Variants in NVL observed in about 807,000 individuals in gnomAD.
NVL encodes the protein nuclear VCP like.
In NVL, 84 loss-of-function variants were observed where a neutral mutation model predicts 110.2. The ratio of observed to expected loss-of-function variants is 0.76; its 90% confidence interval spans 0.64 to 0.91. The LOEUF (loss-of-function observed/expected upper bound fraction) is 0.91. Ranked by LOEUF, NVL falls within the 40% of genes least tolerant of loss-of-function variation. NVL has a pLI of 0.00. For synonymous variants in NVL, 354 were observed against 361.1 expected, an observed-to-expected ratio of 0.98 and a Z score of 0.22; for missense variants, 882 against 1,035.9, an observed-to-expected ratio of 0.85 and a Z score of 2.04.
chr1:224,275,225 A>C, intron 17 of NVL, 114 bp downstream of exon 17: 1 of 1,197,870 alleles, frequency 8.3e-7, no homozygotes, highest in Non-Finnish European at 1.2e-6. Context: ...AAGTGTCTTC[A>C]TTAAGAGTCT....
intron 2 of NVL, among the ~76,000 whole-genome samples, chr1:224,319,955 A>G: frequency 6.6e-6 from 1 of 152,192 alleles, no homozygotes; most frequent in East Asian, 1.9e-4. Flanking sequence ...AAAACAGCAG[A>G]AAAATCCAAA....
chr1:224,325,911 C>T (rs930646911), intron 2 of NVL, among the ~76,000 whole-genome samples: 6 of 152,116 alleles, frequency 3.9e-5, no homozygotes, highest in Admixed American at 3.9e-4. Context: ...CTCAGCCTCC[C>T]AAGTAGGTGG....
intron 17 of NVL, among the ~76,000 whole-genome samples, 198 bp downstream of exon 17, chr1:224,275,141 T>C (rs541191849): frequency 9.1e-4 from 138 of 152,286 alleles, no homozygotes; most frequent in Non-Finnish European, 1.6e-3. Flanking sequence ...CAAAATAATG[T>C]ACAGGAAAAA....
chr1:224,307,698 C>CAAAA (rs11366790), intron 6 of NVL, among the ~76,000 whole-genome samples: 4 of 67,486 alleles, frequency 5.9e-5, no homozygotes, highest in Admixed American at 2.2e-4. Flanking sequence ...GACCCAGTCT[C>CAAAA]AAAAAAAAAA....
At chr1:224,238,646 G>T (rs760188238) in intron 19 of NVL, among the ~76,000 whole-genome samples, 10 of 152,276 alleles carry the variant, frequency 6.6e-5, no homozygotes, top group Non-Finnish European at 1.2e-4. Flanking sequence ...ACAATCTTGT[G>T]CTTTTTTCTC....
chr1:224,243,737 C>A (rs1196398932), intron 19 of NVL, among the ~76,000 whole-genome samples: 1 of 150,272 alleles, frequency 6.7e-6, no homozygotes, highest in Admixed American at 6.7e-5. Context: ...TCTCGGCTCA[C>A]TGCAACCTCC....
At chr1:224,311,755 T>C (rs767508884) in intron 5 of NVL, 45 bp downstream of exon 5, 2 of 1,507,102 alleles carry the variant, frequency 1.3e-6, no homozygotes, top group Non-Finnish European at 1.8e-6. Flanking sequence ...CCATAACAAC[T>C]AAAAAAGAAA....
chr1:224,300,707 T>C (rs1208619847), intron 9 of NVL, 44 bp from the exon 10 acceptor site: 3 of 1,475,054 alleles, frequency 2.0e-6, no homozygotes, highest in Non-Finnish European at 2.8e-6. Flanking sequence ...CAAATTTTAA[T>C]TTCCCTACTT....
chr1:224,330,103 C>G lies in NVL; in HGVS notation c.25G>C (p.Val9Leu), dbSNP rs1190594628. 2.5e-6 allele frequency: 4 copies of G among 1,614,142 alleles called. No individual in the cohort carries two copies. The highest frequency in any genetic ancestry group is 3.4e-6 in the Non-Finnish European group (4 of 1,180,000). The change falls in exon 1 of 23, where the codon GTG becomes CTG. Residue 9 changes from valine to leucine, a missense_variant. Val to Leu is a conservative substitution (Grantham distance 32). Around this residue, in one of 4 missense-constraint regions of NVL, gnomAD observed 274 missense variants for 268.4 expected, o/e 1.02. Transcript: ENST00000281701. MKPRPAGF[V>L]DNKLKQRVIQ... Reference sequence around the variant, plus strand: ...ACTCGCTGCTTGAGTTTATTATCCACGAACCCTGCAGGTCTGGGCTTCATC... The same window carrying G: ...ACTCGCTGCTTGAGTTTATTATCCAGGAACCCTGCAGGTCTGGGCTTCATC...
At chr1:224,239,487 G>C (rs371194650) in intron 19 of NVL, among the ~76,000 whole-genome samples, 1 of 152,044 alleles carries the variant, frequency 6.6e-6, no homozygotes, top group African/African-American at 2.4e-5. Flanking sequence ...CCCTTGTTAG[G>C]TGCTTTCTAT....
At chr1:224,285,946 C>T (rs184787948) in intron 15 of NVL, 80 bp downstream of exon 15, 4 of 1,056,132 alleles carry the variant, frequency 3.8e-6, no homozygotes, top group Non-Finnish European at 5.7e-6. Flanking sequence ...ACTTACCTCA[C>T]TGTAATATTT....
At chr1:224,256,108 G>A (rs577476148) in intron 18 of NVL, among the ~76,000 whole-genome samples, 13 of 151,904 alleles carry the variant, frequency 8.6e-5, no homozygotes, top group African/African-American at 3.1e-4. Context: ...TTACCATGCC[G>A]TTGAAACATC....
chr1:224,317,751 G>A lies in NVL; in HGVS notation c.227C>T (p.Thr76Ile). 1.9e-6 allele frequency: 3 copies of A among 1,609,792 alleles called. No individual in the cohort carries two copies. The highest frequency in any genetic ancestry group is 2.5e-6 in the Non-Finnish European group (3 of 1,176,524). ...TGCCAAATGTTCATCTTCTAATTCT[G>A]TTAAATTCTTAAGTTCCTTCTCACT... ...ISSEKELKNL[T>I]ELEDEHLAKR... Residue 76 changes from threonine (T) to isoleucine (I), a missense_variant, in exon 4 of 23, where the codon ACA becomes ATA. Physicochemically the swap from Thr to Ile is moderately conservative, Grantham distance 89. Coordinates refer to ENST00000281701, the MANE Select transcript of NVL (RefSeq NM_002533.4).
At chr1:224,259,841 T>C (rs1294665530) in intron 18 of NVL, among the ~76,000 whole-genome samples, 2 of 150,180 alleles carry the variant, frequency 1.3e-5, no homozygotes, top group African/African-American at 2.5e-5. Flanking sequence ...TTTTTTTTTG[T>C]ATTTTTAGTA....
intron 4 of NVL, among the ~76,000 whole-genome samples, chr1:224,313,951 C>T (rs1226975122): frequency 1.3e-5 from 2 of 152,060 alleles, no homozygotes; most frequent in Non-Finnish European, 2.9e-5. Context: ...TGCAGTGAGT[C>T]GAGATCGCAC....
At chr1:224,307,424 A>G (rs1019595149) in intron 6 of NVL, among the ~76,000 whole-genome samples, 4 of 152,208 alleles carry the variant, frequency 2.6e-5, no homozygotes, top group Non-Finnish European at 5.9e-5. Flanking sequence ...AAGAATGATA[A>G]TATGTGGTGG....
rs371368207 is a variant in NVL, at chr1:224,307,955, C to T, written c.615+36G>A. ...TCAACTAAAAGGTTGAAATGTACTT[C>T]GATGATATGGGGCTAAAATTTCATT... On this transcript the variant is annotated intron_variant, in intron 6 of 22. Transcript: ENST00000281701. 21 of 1,505,632 alleles carry T rather than the reference C, an allele frequency of 1.4e-5. No homozygotes were observed. In the African/African-American group the frequency reaches 1.8e-4, roughly 13 times the overall value. The allele number at this position is 1,505,632 out of a possible 1,614,324, so 93.3% of individuals were successfully genotyped here.
intron 19 of NVL, among the ~76,000 whole-genome samples, chr1:224,248,479 C>G (rs1430782252): frequency 6.6e-6 from 1 of 152,206 alleles, no homozygotes; most frequent in African/African-American, 2.4e-5. Flanking sequence ...CTGCCCTGTT[C>G]TCCCTCCTCG....
chr1:224,236,351 T>C (rs1202150184), intron 20 of NVL, among the ~76,000 whole-genome samples, 155 bp downstream of exon 20: 1 of 152,192 alleles, frequency 6.6e-6, no homozygotes, highest in African/African-American at 2.4e-5. Flanking sequence ...CAGTCTCTTC[T>C]CTAAGAAGGG....
Sources: allele counts gnomAD v4.1 joint callset (sites outside exome capture counted in the v4.1 genomes callset), GRCh38; gene constraint gnomAD v4.1.1; regional missense constraint gnomAD v4.1.1; transcripts MANE v1.5; gene names NCBI Gene and HGNC (gene_info 2026-07-23, HGNC 2026-07-21).